Variants in NUP210L observed in about 807,000 individuals in gnomAD.
NUP210L encodes nucleoporin 210 like.
In NUP210L, 74 loss-of-function variants were observed where a neutral mutation model predicts 208.5. That is an observed-to-expected ratio of 0.35 (90% CI 0.29 to 0.43). NUP210L has a LOEUF of 0.43. Ranked by LOEUF, NUP210L falls within the 20% of genes least tolerant of loss-of-function variation. The pLI is 1.00. For missense variants in NUP210L, 1,843 were observed against 2,289.4 expected (o/e 0.81, Z 3.98); for synonymous variants, 780 against 816.9 (o/e 0.95, Z 0.77).
intron 35 of NUP210L, among the ~76,000 whole-genome samples, chr1:154,004,647 T>C (rs1650405791): frequency 6.6e-6 from 1 of 151,302 alleles, no homozygotes; most frequent in Admixed American, 6.6e-5. Context: ...CCTGCCGTTA[T>C]TCCTCTTTTC....
chr1:154,006,964 ATAT>A (rs1370603901), intron 35 of NUP210L, among the ~76,000 whole-genome samples: 1 of 114,844 alleles, frequency 8.7e-6, no homozygotes, highest in African/African-American at 3.1e-5. Flanking sequence ...ATATATATAT[ATAT>A]TTTTTTTTTT....
chr1:154,032,290 A>C (rs1238790635), intron 27 of NUP210L, among the ~76,000 whole-genome samples: 5 of 152,160 alleles, frequency 3.3e-5, no homozygotes, highest in Admixed American at 3.3e-4. Flanking sequence ...ACTATGCTCC[A>C]TAGTGATTGT....
At chr1:154,134,769 C>T (rs961038774) in intron 7 of NUP210L, among the ~76,000 whole-genome samples, 1 of 133,040 alleles carries the variant, frequency 7.5e-6, no homozygotes, top group African/African-American at 2.7e-5. Context: ...GAGTTTTGCT[C>T]TTGTTGCCCA....
rs562712727 is a variant in NUP210L at position 154,136,676 on chromosome 1, C to T, written c.851-704G>A. Among the ~76,000 whole-genome samples the T allele has an allele frequency of 1.2e-3, 180 of 150,906 alleles. 2 individuals are homozygous for T. Among genetic ancestry groups the T allele is most frequent in the African/African-American group, 3.8e-3 (156 of 41,142 alleles). On this transcript the variant is annotated intron_variant, in intron 6 of 39. Coordinates refer to ENST00000368559, the Ensembl canonical transcript of NUP210L. ...TGGTTCACGCCTGTAATCCCAGCAC[C>T]GTGGGAAGCCGAGGTGGGTGAACCA... is the stretch of plus-strand genomic sequence containing the variant.
At chr1:154,094,838 A>G in intron 15 of NUP210L, 97 bp downstream of exon 15, 1 of 871,698 alleles carries the variant, frequency 1.1e-6, no homozygotes, top group East Asian at 2.6e-5. Flanking sequence ...TTTAGTCCAT[A>G]AACTAAATTC....
chr1:154,044,882 T>C (rs1426049649), intron 27 of NUP210L, among the ~76,000 whole-genome samples: 1 of 151,904 alleles, frequency 6.6e-6, no homozygotes, highest in Non-Finnish European at 1.5e-5. Flanking sequence ...CAAACTTGCT[T>C]TTTTTTTGTC....
At chr1:154,138,643 C>T (rs1283190342) in intron 5 of NUP210L, among the ~76,000 whole-genome samples, 1 of 152,078 alleles carries the variant, frequency 6.6e-6, no homozygotes, top group African/African-American at 2.4e-5. Context: ...GAAGATTTAC[C>T]CAATGCAAGG....
intron 38 of NUP210L, 46 bp from the exon 39 acceptor site, chr1:153,993,135 C>T (rs750900684): frequency 2.4e-5 from 33 of 1,385,316 alleles, no homozygotes; most frequent in Non-Finnish European, 3.2e-5. Flanking sequence ...TGAGGAAGGC[C>T]TTAAAAGGCA....
At chr1:153,995,829 A>G in intron 37 of NUP210L, 1 of 618,662 alleles carries the variant, frequency 1.6e-6, no homozygotes, top group Non-Finnish European at 3.1e-6. Context: ...TTCTTACGAG[A>G]TTGTCCAAAA....
At chr1:154,044,982 G>A (rs530682031) in intron 27 of NUP210L, among the ~76,000 whole-genome samples, 2 of 152,068 alleles carry the variant, frequency 1.3e-5, no homozygotes, top group East Asian at 3.9e-4. Flanking sequence ...GTTGAACTGT[G>A]GATATCCTAG....
chr1:154,066,815 T>A (rs573975641), intron 17 of NUP210L, among the ~76,000 whole-genome samples: 116 of 152,146 alleles, frequency 7.6e-4, no homozygotes, highest in African/African-American at 2.2e-3. Context: ...TATAAACACC[T>A]CTACGCAAAT....
At chr1:154,149,163 G>A (rs545603829) in intron 2 of NUP210L, among the ~76,000 whole-genome samples, 1 of 143,480 alleles carries the variant, frequency 7.0e-6, no homozygotes, top group Admixed American at 7.8e-5. Flanking sequence ...TAGGCTCACT[G>A]CAACCTCCAC....
chr1:154,014,896 T>C (rs1023244124), intron 33 of NUP210L, among the ~76,000 whole-genome samples: 74 of 152,218 alleles, frequency 4.9e-4, no homozygotes, highest in African/African-American at 1.7e-3. Context: ...CCTAGCTACT[T>C]GGGAGGCTGA....
chr1:154,036,671 TAC>T (rs995513314), intron 27 of NUP210L, among the ~76,000 whole-genome samples: 4 of 151,702 alleles, frequency 2.6e-5, no homozygotes, highest in African/African-American at 9.7e-5. Context: ...AGCCAGAACA[TAC>T]ATATTTTTAA....
At chr1:154,026,821 A>C (rs964579732) in intron 29 of NUP210L, among the ~76,000 whole-genome samples, 1 of 152,056 alleles carries the variant, frequency 6.6e-6, no homozygotes, top group African/African-American at 2.4e-5. Flanking sequence ...GGTGGCTCAC[A>C]CCTATAATCC....
chr1:154,115,423 GA>G lies in NUP210L; in HGVS notation c.1620+2301del, dbSNP rs1657272058. ...AAATGAATGGGAGTAGCTGTGTTCTGAAAAAAGTTTATTTACCAAATAAGGA... is the reference window on the plus strand; with the variant it reads ...AAATGAATGGGAGTAGCTGTGTTCTGAAAAAGTTTATTTACCAAATAAGGA... On this transcript the variant is annotated intron_variant, in intron 12 of 39. Transcript: ENST00000368559. Among the ~76,000 whole-genome samples, 4 of 152,282 alleles carry G rather than the reference GA, an allele frequency of 2.6e-5. 1 individual carries two copies. The South Asian group carries it at 8.3e-4, about 32-fold the overall frequency.
intron 27 of NUP210L, among the ~76,000 whole-genome samples, chr1:154,043,917 A>C (rs533183270): frequency 1.3e-5 from 2 of 151,944 alleles, no homozygotes; most frequent in Non-Finnish European, 2.9e-5. Flanking sequence ...AGGCCTTTCT[A>C]TTGCCCATTT....
At chr1:154,122,120 T>C (rs1169742148) in intron 10 of NUP210L, among the ~76,000 whole-genome samples, 35 of 152,144 alleles carry the variant, frequency 2.3e-4, no homozygotes. Context: ...ACAGATTTTA[T>C]AGACAACAAA....
chr1:154,067,022 G>A (rs1654456871), intron 17 of NUP210L, among the ~76,000 whole-genome samples: 1 of 152,140 alleles, frequency 6.6e-6, no homozygotes, highest in Admixed American at 6.5e-5. Context: ...TACAAGAGGA[G>A]CTGGTACCAT....
Sources: allele counts gnomAD v4.1 joint callset (sites outside exome capture counted in the v4.1 genomes callset), GRCh38; gene constraint gnomAD v4.1.1; transcripts MANE v1.5; gene names NCBI Gene and HGNC (gene_info 2026-07-23, HGNC 2026-07-21).